HSD17B3: variants seen among roughly 807,000 people sequenced by gnomAD.
HSD17B3 encodes the protein hydroxysteroid 17-beta dehydrogenase 3.
A neutral mutation model predicts 41.1 loss-of-function variants in HSD17B3; 29 were observed. The observed-to-expected ratio is 0.71, with a 90% confidence interval of 0.53 to 0.96. The LOEUF (loss-of-function observed/expected upper bound fraction) is 0.96, where lower values mean the gene tolerates loss of function less well. Among genes scored for constraint, HSD17B3 ranks in the 40% least tolerant of loss-of-function variants. The probability of loss-of-function intolerance (pLI) is 0.00; values close to 1 mark genes in which losing one functional copy is unlikely to be tolerated. For synonymous variants in HSD17B3, 126 were observed against 145.6 expected, an observed-to-expected ratio of 0.87 and a Z score of 0.97; for missense variants, 323 against 374.6, an observed-to-expected ratio of 0.86 and a Z score of 1.14.
chr9:96,269,091 T>TA lies in HSD17B3; in HGVS notation c.202-14149dup, dbSNP rs1368283298. On this transcript the variant is annotated intron_variant, in intron 2 of 10. Coordinates refer to ENST00000375263, the MANE Select transcript of HSD17B3 (RefSeq NM_000197.2). ...TGCACTTACACACACCTAGAGGGTG[T>TA]AGCCTGCTACATAACTAGACTTTGT... is the stretch of plus-strand genomic sequence containing the variant. Among the ~76,000 whole-genome samples, 3 of 152,226 alleles carry TA rather than the reference T, an allele frequency of 2.0e-5. No homozygotes were observed. The East Asian group carries it at 5.8e-4, about 29-fold the overall frequency.
intron 2 of HSD17B3, among the ~76,000 whole-genome samples, chr9:96,279,434 C>T (rs1490766832): frequency 6.6e-6 from 1 of 152,104 alleles, no homozygotes; most frequent in African/African-American, 2.4e-5. Context: ...ATCTAAACAC[C>T]TGGAATCAAG....
chr9:96,265,542 G>A (rs1826020247), intron 2 of HSD17B3, among the ~76,000 whole-genome samples: 1 of 152,140 alleles, frequency 6.6e-6, no homozygotes, highest in African/African-American at 2.4e-5. Context: ...ATACTACCGT[G>A]CTCTACTAAA....
At chr9:96,277,448 G>T (rs1406800839) in intron 2 of HSD17B3, among the ~76,000 whole-genome samples, 1 of 152,128 alleles carries the variant, frequency 6.6e-6, no homozygotes, top group Non-Finnish European at 1.5e-5. Context: ...CATACAAATG[G>T]TCAATAGGCA....
chr9:96,248,472 G>A (rs896408413), intron 6 of HSD17B3, among the ~76,000 whole-genome samples: 2 of 152,204 alleles, frequency 1.3e-5, no homozygotes, highest in Non-Finnish European at 2.9e-5. Flanking sequence ...GGGTGAGACT[G>A]AGCCTTCTGC....
At chr9:96,244,467 A>C (rs1836578288) in intron 8 of HSD17B3, 73 bp from the exon 9 acceptor site, 2 of 1,375,554 alleles carry the variant, frequency 1.5e-6, no homozygotes, top group East Asian at 2.3e-5. Context: ...CTCTGACTTC[A>C]AGGGGCACTG....
Position 96,252,849 on chromosome 9 carries a change from G to A in HSD17B3, c.339C>T (p.Tyr113=), listed in dbSNP as rs973487624. 11 of 1,613,220 alleles carry A rather than the reference G, an allele frequency of 6.8e-6. No individual in the cohort carries two copies. Among genetic ancestry groups the A allele is most frequent in the African/African-American group, 2.7e-5 (2 of 74,830 alleles). Residue 113 remains tyrosine, a synonymous_variant, in exon 4 of 11, where the codon TAC becomes TAT. Transcript: ENST00000375263. ...CTGCAAGTTTTTCTTTAATATGCTCGTAGATGTCATCTTTTGTAAAATCTG... is the reference window on the plus strand; with the variant it reads ...CTGCAAGTTTTTCTTTAATATGCTCATAGATGTCATCTTTTGTAAAATCTG... ...IQADFTKDDI[Y]EHIKEKLAGL...
intron 1 of HSD17B3, 40 bp downstream of exon 1, chr9:96,301,909 AAC>A (rs1564069620): frequency 6.3e-7 from 1 of 1,585,120 alleles, no homozygotes; most frequent in East Asian, 2.2e-5. Context: ...AACAAGCAGG[AAC>A]AACAGCAGCA....
chr9:96,299,467 A>G lies in HSD17B3; in HGVS notation c.155-1005T>C, dbSNP rs1827490904. Among the ~76,000 whole-genome samples, 6 of 152,086 alleles carry G rather than the reference A, an allele frequency of 3.9e-5. 1 individual carries two copies. In the South Asian group the frequency reaches 1.0e-3, roughly 26 times the overall value. On this transcript the variant is annotated intron_variant, in intron 1 of 10. Transcript: ENST00000375263. The stretch of plus-strand genomic sequence containing the variant: ...TTCCCCTCCCTGTGGGGAATCTTCA[A>G]TTCACCCAATACAGGGCCTACACTA...
intron 2 of HSD17B3, among the ~76,000 whole-genome samples, chr9:96,278,179 C>A (rs558112091): frequency 1.3e-5 from 2 of 152,134 alleles, no homozygotes; most frequent in Non-Finnish European, 1.5e-5. Flanking sequence ...TTAACAAGGA[C>A]ATAGTTAACA....
Position 96,253,942 on chromosome 9 carries a change from TC to T in HSD17B3, c.277+925del, listed in dbSNP as rs1825528973. On this transcript the variant is annotated intron_variant, in intron 3 of 10. Coordinates refer to ENST00000375263, the MANE Select transcript of HSD17B3 (RefSeq NM_000197.2). ...ACAGTGTGACTGCACAGCCCACACC[TC>T]CCACACCCATCTCCTGTCCCAAATC... 2.0e-5 allele frequency among the ~76,000 whole-genome samples: 3 copies of T among 151,932 alleles called. No homozygotes were observed. The South Asian group carries it at 6.3e-4, about 32-fold the overall frequency.
intron 1 of HSD17B3, among the ~76,000 whole-genome samples, chr9:96,299,889 T>C (rs1303245153): frequency 1.3e-5 from 2 of 152,300 alleles, no homozygotes; most frequent in East Asian, 3.9e-4. Flanking sequence ...CTCCCTGATA[T>C]CTGCCTCTGC....
chr9:96,258,651 C>G (rs1438702544), intron 2 of HSD17B3, among the ~76,000 whole-genome samples: 1 of 152,054 alleles, frequency 6.6e-6, no homozygotes, highest in Non-Finnish European at 1.5e-5. Context: ...GTTTAATCTT[C>G]CAAATAAATG....
chr9:96,265,613 A>G (rs1826021770), intron 2 of HSD17B3, among the ~76,000 whole-genome samples: 1 of 152,226 alleles, frequency 6.6e-6, no homozygotes, highest in Non-Finnish European at 1.5e-5. Context: ...ATAGCCTAAA[A>G]GAGAAAGTTA....
At chr9:96,286,181 T>TAAAA (rs761508725) in intron 2 of HSD17B3, among the ~76,000 whole-genome samples, 9 of 152,094 alleles carry the variant, frequency 5.9e-5, no homozygotes, top group Non-Finnish European at 1.2e-4. Flanking sequence ...CCATCTCTAC[T>TAAAA]AAAACTACAA....
Position 96,244,375 on chromosome 9 carries a change from G to A in HSD17B3, c.626C>T (p.Ser209Phe), listed in dbSNP as rs1343278169. Residue 209 changes from serine (S) to phenylalanine (F), a missense_variant, in exon 9 of 11, where the codon TCC becomes TTC. Physicochemically the swap from Ser to Phe is radical, Grantham distance 155. Coordinates refer to ENST00000375263, the MANE Select transcript of HSD17B3 (RefSeq NM_000197.2). ...TTTATATTCCTCTTGCAGGGCCTTGGAAAATGCGCACACAAACGCCTGGAG... is the reference window on the plus strand; with the variant it reads ...TTTATATTCCTCTTGCAGGGCCTTGAAAAATGCGCACACAAACGCCTGGAG... ...SASKAFVCAF[S>F]KALQEEYKAK... is the part of the protein sequence containing the mutation. 6.2e-7 allele frequency: 1 copy of A among 1,614,162 alleles called. No individual in the cohort carries two copies. The highest frequency in any genetic ancestry group is 1.7e-5 in the Admixed American group (1 of 60,034).
intron 2 of HSD17B3, among the ~76,000 whole-genome samples, chr9:96,281,887 C>T (rs1402851021): frequency 6.6e-6 from 1 of 152,142 alleles, no homozygotes; most frequent in Non-Finnish European, 1.5e-5. Context: ...CTTTCTGTCT[C>T]CCTCTGTCTC....
intron 2 of HSD17B3, among the ~76,000 whole-genome samples, chr9:96,292,196 A>G (rs986719647): frequency 6.6e-6 from 1 of 152,158 alleles, no homozygotes; most frequent in African/African-American, 2.4e-5. Flanking sequence ...ACCCAATATA[A>G]GCAACAGAGA....
chr9:96,287,539 T>C (rs1826972364), intron 2 of HSD17B3, among the ~76,000 whole-genome samples: 2 of 151,438 alleles, frequency 1.3e-5, no homozygotes, highest in Non-Finnish European at 2.9e-5. Flanking sequence ...TGAAACCCCA[T>C]CTCTACTAAA....
rs781707943 is a variant in HSD17B3 at position 96,252,793 on chromosome 9, A to G, written c.385+10T>C. 2.1e-6 allele frequency: 3 copies of G among 1,431,592 alleles called. No individual in the cohort carries two copies. Among genetic ancestry groups the G allele is most frequent in the African/African-American group, 2.8e-5 (2 of 71,276 alleles). 88.7% of individuals were successfully genotyped at this position (1,431,592 alleles called of 1,614,324 possible). On this transcript the variant is annotated intron_variant, in intron 4 of 10. Transcript: ENST00000375263. ...ATGACAACAAGCTTTGCATCTTGCA[A>G]TTTACTCACCTAAAATTCCAATTTC...
Sources: gnomAD v4.1 joint callset for allele counts (sites outside exome capture counted in the v4.1 genomes callset) on GRCh38, gnomAD v4.1.1 for gene constraint, MANE v1.5 for transcripts, NCBI Gene and HGNC (gene_info 2026-07-23, HGNC 2026-07-21) for gene names.